Variants in TRPS1 observed in about 807,000 individuals in gnomAD.
TRPS1 encodes zinc finger transcription factor Trps1.
Under a neutral mutation model 101.2 loss-of-function variants are expected in TRPS1, and 6 were observed. That is an observed-to-expected ratio of 0.06 (90% CI 0.03 to 0.12). TRPS1 has a LOEUF of 0.12. Ranked by LOEUF, TRPS1 falls within the 10% of genes least tolerant of loss-of-function variation. TRPS1 has a pLI of 1.00. For missense variants in TRPS1, 1,363 were observed against 1,567.0 expected (o/e 0.87, Z 2.20); for synonymous variants, 578 against 589.8 (o/e 0.98, Z 0.29).
intron 3 of TRPS1, among the ~76,000 whole-genome samples, chr8:115,616,365 GA>G (rs1818276426): frequency 6.6e-6 from 1 of 152,058 alleles, no homozygotes; most frequent in African/African-American, 2.4e-5. Flanking sequence ...CTTAAACCGG[GA>G]AATCTTCGAA....
chr8:115,518,894 T>C (rs1815788764), intron 5 of TRPS1, among the ~76,000 whole-genome samples: 1 of 151,828 alleles, frequency 6.6e-6, no homozygotes, highest in Non-Finnish European at 1.5e-5. Context: ...GTGTAAAGTA[T>C]GTTGGTCATG....
At chr8:115,642,641 AC>A in intron 1 of TRPS1, among the ~76,000 whole-genome samples, 1 of 151,940 alleles carries the variant, frequency 6.6e-6, no homozygotes. Context: ...AATTAGGGAC[AC>A]CTTTTCTATC....
intron 1 of TRPS1, chr8:115,637,380 G>C (rs1818794743): frequency 1.2e-6 from 1 of 849,492 alleles, no homozygotes; most frequent in Non-Finnish European, 1.4e-6. Flanking sequence ...GTGACATGTA[G>C]ACGGAAGAAG....
chr8:115,540,119 A>G (rs2130303503), intron 5 of TRPS1, among the ~76,000 whole-genome samples: 1 of 152,284 alleles, frequency 6.6e-6, no homozygotes, highest in African/African-American at 2.4e-5. Context: ...ATCTGATTTT[A>G]TTTCTCTTGA....
In TRPS1 at chr8:115,418,208, C is replaced by T; in HGVS notation, c.2823+122G>A. ...TAAATCACATGTGCACTCAAAGTGA[C>T]TGTATTAAAACAACCCTGCGGGGGC... On this transcript the variant is annotated intron_variant, in intron 6 of 6. Coordinates refer to ENST00000395715, the MANE Select transcript of TRPS1 (RefSeq NM_014112.5). This position sits in a 1 kb window ranked among gnomAD's most constrained non-coding sequence, Gnocchi z 4.3. 6.5e-7 allele frequency: 1 copy of T among 1,529,138 alleles called. No homozygotes were observed. Among genetic ancestry groups the T allele is most frequent in the Non-Finnish European group, 9.0e-7 (1 of 1,108,188 alleles). 94.7% of individuals were successfully genotyped at this position (1,529,138 alleles called of 1,614,324 possible).
At chr8:115,503,358 T>A (rs1281902099) in intron 5 of TRPS1, among the ~76,000 whole-genome samples, 1 of 150,824 alleles carries the variant, frequency 6.6e-6, no homozygotes, top group Non-Finnish European at 1.5e-5. Context: ...TGTCAAAAAA[T>A]AAAAACAAAA....
At chr8:115,429,789 G>A (rs1813275725) in intron 5 of TRPS1, among the ~76,000 whole-genome samples, 1 of 151,926 alleles carries the variant, frequency 6.6e-6, no homozygotes, top group Non-Finnish European at 1.5e-5. Context: ...TTTTCTGTTG[G>A]CATTATTTTT....
chr8:115,473,650 T>A (rs1814528318), intron 5 of TRPS1, among the ~76,000 whole-genome samples: 1 of 152,240 alleles, frequency 6.6e-6, no homozygotes, highest in South Asian at 2.1e-4. Context: ...TGATAGCTGA[T>A]CTTTCACTTG....
At chr8:115,662,774 G>C (rs1175118300) in intron 1 of TRPS1, among the ~76,000 whole-genome samples, 1 of 149,496 alleles carries the variant, frequency 6.7e-6, no homozygotes, top group Non-Finnish European at 1.5e-5. Context: ...AAGAAAAAAA[G>C]AGCTGCCTGT....
At chr8:115,602,177 G>A (rs1182320820) in intron 4 of TRPS1, among the ~76,000 whole-genome samples, 1 of 151,972 alleles carries the variant, frequency 6.6e-6, no homozygotes, top group Non-Finnish European at 1.5e-5. Flanking sequence ...ACATACGTGG[G>A]TGTGCAGGTC....
intron 5 of TRPS1, among the ~76,000 whole-genome samples, chr8:115,445,407 A>C (rs1813707927): frequency 6.6e-6 from 1 of 152,162 alleles, no homozygotes; most frequent in African/African-American, 2.4e-5. Context: ...ACCTTTCTTT[A>C]GTGAGTTCTG....
At chr8:115,438,530 G>C (rs1485147339) in intron 5 of TRPS1, among the ~76,000 whole-genome samples, 1 of 152,152 alleles carries the variant, frequency 6.6e-6, no homozygotes, top group Non-Finnish European at 1.5e-5. Context: ...CCAGTCACAT[G>C]GTTGGTGTTC....
intron 5 of TRPS1, among the ~76,000 whole-genome samples, chr8:115,444,118 C>G (rs1372811337): frequency 6.6e-6 from 1 of 152,168 alleles, no homozygotes; most frequent in Non-Finnish European, 1.5e-5. Context: ...CCCCTTTGAT[C>G]CCTCTACATG....
At chr8:115,663,467 T>G (rs374754714) in intron 1 of TRPS1, among the ~76,000 whole-genome samples, 1 of 152,032 alleles carries the variant, frequency 6.6e-6, no homozygotes, top group African/African-American at 2.4e-5. Context: ...TAGCCACTTG[T>G]AAAGTATTTA....
rs1209726979 is a variant in TRPS1 at position 115,413,483 on chromosome 8, A to G, written c.*540T>C. 2 of 153,094 alleles carry G rather than the reference A, an allele frequency of 1.3e-5. No individual in the cohort carries two copies. The highest frequency in any genetic ancestry group is 4.8e-5 in the African/African-American group (2 of 41,446). 9.5% of individuals were successfully genotyped at this position (153,094 alleles called of 1,614,324 possible). A position where few individuals can be genotyped will look rare whatever the true frequency, so the allele number is the denominator to read the frequency against. On this transcript the variant is annotated 3_prime_UTR_variant, in exon 7 of 7. Coordinates refer to ENST00000395715, the MANE Select transcript of TRPS1 (RefSeq NM_014112.5). ...GCATTTCTAGGTCAAAATCTGAAAC[A>G]TGGCCAATGAGAGAAGACTAAATTG...
At chr8:115,593,370 G>A (rs1817719961) in intron 4 of TRPS1, among the ~76,000 whole-genome samples, 1 of 152,142 alleles carries the variant, frequency 6.6e-6, no homozygotes, top group African/African-American at 2.4e-5. Flanking sequence ...ATAAAGAAGT[G>A]GAAGCACAGA....
At chr8:115,659,995 C>G (rs1811757357) in intron 1 of TRPS1, among the ~76,000 whole-genome samples, 1 of 151,898 alleles carries the variant, frequency 6.6e-6, no homozygotes. Context: ...CATGTACGCA[C>G]TTATTTAATA....
chr8:115,475,336 A>G (rs1814578397), intron 5 of TRPS1, among the ~76,000 whole-genome samples: 1 of 148,708 alleles, frequency 6.7e-6, no homozygotes, highest in Admixed American at 6.7e-5. Flanking sequence ...ATACTCAGAC[A>G]TGCTTCTTTC....
chr8:115,631,681 G>GGA (rs1314304827), intron 1 of TRPS1, among the ~76,000 whole-genome samples: 2 of 146,878 alleles, frequency 1.4e-5, no homozygotes, highest in African/African-American at 2.5e-5. Context: ...ATGGATGGAT[G>GGA]TTGACACACT....
Sources: gnomAD v4.1 joint callset for allele counts (sites outside exome capture counted in the v4.1 genomes callset) on GRCh38, gnomAD v4.1.1 for gene constraint, Gnocchi (gnomAD v3.1) non-coding constraint, MANE v1.5 for transcripts, NCBI Gene and HGNC (gene_info 2026-07-23, HGNC 2026-07-21) for gene names.